The following NMU variants were observed in gnomAD, a reference collection of about 807,000 sequenced individuals.
NMU encodes neuromedin U, also known as neuromedin-U.
Under a neutral mutation model 35.4 loss-of-function variants are expected in NMU, and 29 were observed. The observed-to-expected ratio is 0.82, with a 90% CI of 0.61 to 1.12. NMU has a LOEUF of 1.12. Ranked by LOEUF, NMU falls within the 50% of genes most tolerant of loss-of-function variation. The pLI is 0.00. For missense variants in NMU, 199 were observed against 206.2 expected (o/e 0.97, Z 0.21); for synonymous variants, 78 against 81.3 (o/e 0.96, Z 0.22).
At chr4:55,618,684 CTCTTTCTTCTCTCTCTTCTTTCTTTT>C (rs1370602671) in intron 2 of NMU, among the ~76,000 whole-genome samples, 1 of 115,624 alleles carries the variant, frequency 8.6e-6, no homozygotes, top group Non-Finnish European at 1.7e-5. Flanking sequence ...CCTTTCTTCT[CTCTTTCTTCTCTCTCTTCTTTCTTTT>C]TCTTTCTTCT....
intron 2 of NMU, among the ~76,000 whole-genome samples, chr4:55,629,983 A>C (rs1444079373): frequency 1.3e-5 from 2 of 152,040 alleles, no homozygotes; most frequent in African/African-American, 2.4e-5. Context: ...CTATTTGATG[A>C]GATATATTCC....
chr4:55,609,258 A>G, intron 3 of NMU, 79 bp from the exon 4 acceptor site: 2 of 1,061,578 alleles, frequency 1.9e-6, no homozygotes, highest in Non-Finnish European at 1.5e-6. Flanking sequence ...ACAAAATGTT[A>G]GGGGCATGAG....
At position 55,620,006 on chromosome 4, in the gene NMU, C is replaced by T. The variant is rs887016045; in HGVS notation, c.172-3621G>A. 4.8e-4 allele frequency among the ~76,000 whole-genome samples: 72 copies of T among 149,340 alleles called. 1 individual carries two copies. Among genetic ancestry groups the T allele is most frequent in the African/African-American group, 1.7e-3 (68 of 40,896 alleles). On this transcript the variant is annotated intron_variant, in intron 2 of 9. Transcript: ENST00000264218. ...CCAGAAAGGACATCCACACCGAAAACCCATCTGTATATCACCATCATCAAA... is the reference window on the plus strand; with the variant it reads ...CCAGAAAGGACATCCACACCGAAAATCCATCTGTATATCACCATCATCAAA...
At chr4:55,626,040 C>T (rs997843260) in intron 2 of NMU, among the ~76,000 whole-genome samples, 4 of 152,150 alleles carry the variant, frequency 2.6e-5, no homozygotes, top group African/African-American at 9.7e-5. Context: ...AGAGGGAATG[C>T]TGGATCGTGG....
chr4:55,635,280 C>A (rs571401896), intron 1 of NMU, among the ~76,000 whole-genome samples: 46 of 152,320 alleles, frequency 3.0e-4, no homozygotes, highest in Non-Finnish European at 5.4e-4. Flanking sequence ...GGAACGTTTG[C>A]GTTCTGCTCG....
intron 3 of NMU, among the ~76,000 whole-genome samples, chr4:55,612,709 A>G (rs1733982957): frequency 6.6e-6 from 1 of 152,206 alleles, no homozygotes; most frequent in Non-Finnish European, 1.5e-5. Context: ...AAAAGTTTCA[A>G]AGCAAGTGCA....
chr4:55,616,278 G>A, intron 3 of NMU, 60 bp downstream of exon 3: 1 of 1,182,686 alleles, frequency 8.5e-7, no homozygotes, highest in Admixed American at 1.7e-5. Context: ...GGCAGCAATG[G>A]AGAGTTTAAG....
chr4:55,633,844 G>A (rs570796422), intron 1 of NMU, among the ~76,000 whole-genome samples: 2 of 152,334 alleles, frequency 1.3e-5, no homozygotes, highest in African/African-American at 4.8e-5. Context: ...ACTTAGTCTT[G>A]ACCATTTGAT....
chr4:55,629,732 G>A (rs149292518), intron 2 of NMU, among the ~76,000 whole-genome samples: 160 of 151,268 alleles, frequency 1.1e-3, no homozygotes, highest in African/African-American at 3.3e-3. Context: ...TGATTATGTC[G>A]TTGTTATAGC....
intron 2 of NMU, among the ~76,000 whole-genome samples, chr4:55,625,154 A>G (rs2110208251): frequency 8.1e-6 from 1 of 124,108 alleles, no homozygotes; most frequent in Admixed American, 8.9e-5. Flanking sequence ...TGTACCCTAA[A>G]ACTTAAAGTA....
At chr4:55,604,166 A>T (rs979931120) in intron 7 of NMU, among the ~76,000 whole-genome samples, 1 of 149,722 alleles carries the variant, frequency 6.7e-6, no homozygotes, top group African/African-American at 2.5e-5. Context: ...CCCCGGTTCA[A>T]GCGATTCTTC....
chr4:55,629,314 T>A (rs935791422), intron 2 of NMU, among the ~76,000 whole-genome samples: 16 of 152,046 alleles, frequency 1.1e-4, no homozygotes, highest in African/African-American at 3.9e-4. Context: ...TTGTCCAGAC[T>A]GGTCTTAAAT....
chr4:55,596,564 G>A (rs1354789045), intron 9 of NMU, among the ~76,000 whole-genome samples: 2 of 151,830 alleles, frequency 1.3e-5, no homozygotes, highest in East Asian at 3.9e-4. Flanking sequence ...TTAGCTCTCT[G>A]TTCTTTGTTC....
At chr4:55,618,728 TTC>T (rs1491089195) in intron 2 of NMU, among the ~76,000 whole-genome samples, 1 of 144,416 alleles carries the variant, frequency 6.9e-6, no homozygotes, top group African/African-American at 2.5e-5. Context: ...TCTCTCTTTC[TTC>T]TTTCTTTCTT....
chr4:55,630,273 T>C, intron 2 of NMU, 129 bp downstream of exon 2: 2 of 768,614 alleles, frequency 2.6e-6, no homozygotes, highest in Non-Finnish European at 4.3e-6. Flanking sequence ...ATAAAAATAG[T>C]AATTCTGGGT....
intron 6 of NMU, among the ~76,000 whole-genome samples, chr4:55,605,582 T>C (rs1241553300): frequency 6.6e-6 from 1 of 152,216 alleles, no homozygotes; most frequent in Non-Finnish European, 1.5e-5. Flanking sequence ...ATCCTCATAT[T>C]GAGAAGAAGC....
In NMU at chr4:55,616,340, G is replaced by C. The variant is rs374011452; in HGVS notation, c.217C>G (p.Gln73Glu). Residue 73 changes from glutamine to glutamate, a missense_variant and splice_region_variant, in exon 3 of 10, where the codon CAG becomes GAG. Coordinates refer to ENST00000264218, the MANE Select transcript of NMU (RefSeq NM_006681.4). ...SSFLSIDSQP[Q>E]ASNALEELCF... ...AAAATATCTTCAATTGGAATTACCT[G>C]AGGCTGAGAATCAATGGACAGAAAA... is the stretch of plus-strand genomic sequence containing the variant. 1.2e-6 allele frequency: 2 copies of C among 1,610,124 alleles called. No individual in the cohort carries two copies. The highest frequency in any genetic ancestry group is 2.7e-5 in the African/African-American group (2 of 74,816).
At chr4:55,604,534 C>CT (rs199852859) in intron 7 of NMU, among the ~76,000 whole-genome samples, 22,519 of 136,628 alleles carry the variant, frequency 0.16, 2,071 homozygotes, top group South Asian at 0.23. Flanking sequence ...CAAACTCTTA[C>CT]TTTTTTTTTT....
intron 3 of NMU, among the ~76,000 whole-genome samples, chr4:55,613,491 A>C (rs1280447516): frequency 6.6e-6 from 1 of 152,182 alleles, no homozygotes; most frequent in Non-Finnish European, 1.5e-5. Flanking sequence ...ACTAGTTTTC[A>C]GTTGTGTACC....
Sources: allele counts gnomAD v4.1 joint callset (sites outside exome capture counted in the v4.1 genomes callset), GRCh38; gene constraint gnomAD v4.1.1; transcripts MANE v1.5; gene names NCBI Gene and HGNC (gene_info 2026-07-23, HGNC 2026-07-21).